Variants in OXCT1 observed in about 807,000 individuals in gnomAD.
OXCT1 encodes 3-oxoacid CoA-transferase 1.
In OXCT1, 27 loss-of-function variants were observed where a neutral mutation model predicts 69.6. That is an observed-to-expected ratio of 0.39 (90% CI 0.29 to 0.54). The LOEUF is 0.54. OXCT1 is among the 20% of genes least tolerant of loss of function. The probability of loss-of-function intolerance (pLI) is 0.72; values close to 1 mark genes in which losing one functional copy is unlikely to be tolerated. For synonymous variants in OXCT1, 202 were observed against 217.8 expected (o/e 0.93, Z 0.64); for missense variants, 437 against 650.2 (o/e 0.67, Z 3.57).
chr5:41,852,391 A>G (rs1349894955), intron 4 of OXCT1, among the ~76,000 whole-genome samples: 1 of 152,178 alleles, frequency 6.6e-6, no homozygotes, highest in South Asian at 2.1e-4. Context: ...TTAAAAATCT[A>G]CTAAATTATG....
intron 11 of OXCT1, among the ~76,000 whole-genome samples, chr5:41,796,405 G>A (rs1746182413): frequency 6.6e-6 from 1 of 152,136 alleles, no homozygotes; most frequent in Non-Finnish European, 1.5e-5. Context: ...AAAAGAAAGA[G>A]AAGCAAAACT....
rs1218081779 is a variant in OXCT1, at chr5:41,848,276, T to C, written c.564+1754A>G. Among the ~76,000 whole-genome samples, 3 of 151,352 alleles carry C rather than the reference T, an allele frequency of 2.0e-5. No homozygotes were observed. The East Asian group carries it at 5.8e-4, about 29-fold the overall frequency. On this transcript the variant is annotated intron_variant, in intron 5 of 16. Coordinates refer to ENST00000196371, the MANE Select transcript of OXCT1 (RefSeq NM_000436.4). ...AACTACAAACCACTGCTCAAGGAAA[T>C]AAAAGAGGATACAAACAAATGGAAG...
At chr5:41,840,550 G>A in intron 6 of OXCT1, 39 bp from the exon 7 acceptor site, 2 of 1,358,878 alleles carry the variant, frequency 1.5e-6, no homozygotes, top group African/African-American at 1.4e-5. Flanking sequence ...GGGGGGAAAA[G>A]ACGAAAAATA....
intron 15 of OXCT1, among the ~76,000 whole-genome samples, chr5:41,743,245 T>C (rs1343267243): frequency 2.0e-5 from 3 of 152,254 alleles, no homozygotes; most frequent in African/African-American, 7.2e-5. Context: ...ATGAGCATTT[T>C]TTCATGTGTC....
intron 7 of OXCT1, among the ~76,000 whole-genome samples, chr5:41,830,209 C>T (rs1262980125): frequency 6.6e-6 from 1 of 152,134 alleles, no homozygotes; most frequent in Non-Finnish European, 1.5e-5. Context: ...TGAATGATAT[C>T]CATCACTAAC....
chr5:41,860,339 T>A (rs1170731587), intron 3 of OXCT1, among the ~76,000 whole-genome samples: 2 of 151,836 alleles, frequency 1.3e-5, no homozygotes, highest in African/African-American at 4.8e-5. Context: ...ATAAGTAAAA[T>A]TCAGCACACA....
intron 11 of OXCT1, 51 bp from the exon 12 acceptor site, chr5:41,794,800 G>A (rs756483938): frequency 6.3e-7 from 1 of 1,580,338 alleles, no homozygotes; most frequent in Non-Finnish European, 8.7e-7. Flanking sequence ...ATTTCTAAGA[G>A]TATCATGGTG....
intron 7 of OXCT1, among the ~76,000 whole-genome samples, chr5:41,821,000 C>A (rs1206066037): frequency 6.6e-6 from 1 of 152,118 alleles, no homozygotes; most frequent in Non-Finnish European, 1.5e-5. Flanking sequence ...CAGGTTAGTC[C>A]TACCTCAACT....
chr5:41,827,302 T>C (rs549661695), intron 7 of OXCT1, among the ~76,000 whole-genome samples: 59 of 152,208 alleles, frequency 3.9e-4, no homozygotes, highest in African/African-American at 4.8e-4. Context: ...CAGAAAGTCA[T>C]AGAGAGACTC....
At chr5:41,738,911 G>A (rs1296966962) in intron 16 of OXCT1, among the ~76,000 whole-genome samples, 2 of 152,198 alleles carry the variant, frequency 1.3e-5, no homozygotes, top group African/African-American at 4.8e-5. Context: ...CTAACCTGGT[G>A]ATGTCAGAGG....
intron 7 of OXCT1, among the ~76,000 whole-genome samples, chr5:41,818,225 A>G (rs752076293): frequency 1.3e-5 from 2 of 152,162 alleles, no homozygotes; most frequent in Non-Finnish European, 2.9e-5. Context: ...ACATGAAAAT[A>G]AGTGCAATAA....
chr5:41,850,807 C>T (rs975149092), intron 4 of OXCT1, among the ~76,000 whole-genome samples: 1 of 152,140 alleles, frequency 6.6e-6, no homozygotes, highest in African/African-American at 2.4e-5. Context: ...ATCATCTTTC[C>T]GATGGGTGAC....
Position 41,870,420 on chromosome 5 carries a change from G to C in OXCT1, c.-62C>G, listed in dbSNP as rs567603689. 4.3e-5 allele frequency: 55 copies of C among 1,278,504 alleles called. No homozygotes were observed. In the African/African-American group the frequency reaches 5.3e-4, roughly 12 times the overall value. The allele number at this position is 1,278,504 out of a possible 1,614,324, so 79.2% of individuals were successfully genotyped here. On this transcript the variant is annotated 5_prime_UTR_variant, in exon 1 of 17. Coordinates refer to ENST00000196371, the MANE Select transcript of OXCT1 (RefSeq NM_000436.4). The surrounding 1 kb of genome is among the most constrained non-coding windows in gnomAD (Gnocchi z 4.2). The stretch of plus-strand genomic sequence containing the variant: ...AGCGCGCGTTTGAGCGTCGGTGCGC[G>C]ACTGCGAAGGAAACCCGGGCGGGCT...
intron 13 of OXCT1, among the ~76,000 whole-genome samples, chr5:41,767,720 G>GTATATATATATA (rs751695010): frequency 1.7e-3 from 130 of 78,300 alleles, no homozygotes; most frequent in African/African-American, 7.0e-3. Context: ...ATATATGTGT[G>GTATATATATATA]TGTATATATA....
At chr5:41,744,176 T>A (rs985239262) in intron 15 of OXCT1, among the ~76,000 whole-genome samples, 1 of 152,130 alleles carries the variant, frequency 6.6e-6, no homozygotes, top group African/African-American at 2.4e-5. Flanking sequence ...TTTGAAGAGG[T>A]CCTTCAGGTC....
rs755686915 is a variant in OXCT1, at chr5:41,762,846, C to G, written c.1249-646G>C. The stretch of plus-strand genomic sequence containing the variant: ...TTCTATTTTTGATCATCTGGCCATC[C>G]CTTCATTCATTATACTTTTACCAAC... On this transcript the variant is annotated intron_variant, in intron 13 of 16. Coordinates refer to ENST00000196371, the MANE Select transcript of OXCT1 (RefSeq NM_000436.4). The surrounding 1 kb of genome is among the most constrained non-coding windows in gnomAD (Gnocchi z 4.0). Among the ~76,000 whole-genome samples, 66 of 152,036 alleles carry G rather than the reference C, an allele frequency of 4.3e-4. 1 individual carries two copies. The highest frequency in any genetic ancestry group is 8.5e-4 in the Non-Finnish European group (58 of 67,990).
intron 1 of OXCT1, among the ~76,000 whole-genome samples, chr5:41,868,273 T>C (rs937133579): frequency 2.0e-5 from 3 of 152,226 alleles, no homozygotes; most frequent in Non-Finnish European, 4.4e-5. Flanking sequence ...ATGTGTAGAA[T>C]ATCTGATCTA....
chr5:41,832,399 C>T (rs992367599), intron 7 of OXCT1, among the ~76,000 whole-genome samples: 5 of 151,842 alleles, frequency 3.3e-5, no homozygotes, highest in African/African-American at 9.7e-5. Context: ...GGGAAAAGAA[C>T]AGCAGTCTCT....
At chr5:41,767,853 T>C (rs558362913) in intron 13 of OXCT1, among the ~76,000 whole-genome samples, 30 of 151,258 alleles carry the variant, frequency 2.0e-4, no homozygotes, top group Non-Finnish European at 4.3e-4. Context: ...GCTTCTATGG[T>C]CCTGGTTCCT....
Sources: allele counts gnomAD v4.1 joint callset (sites outside exome capture counted in the v4.1 genomes callset), GRCh38; gene constraint gnomAD v4.1.1; non-coding constraint Gnocchi (gnomAD v3.1); transcripts MANE v1.5; gene names NCBI Gene and HGNC (gene_info 2026-07-23, HGNC 2026-07-21).